Variants in RCN2 observed in about 807,000 individuals in gnomAD.
The protein encoded by RCN2 is reticulocalbin 2.
A neutral mutation model predicts 37.5 loss-of-function variants in RCN2; 23 were observed. The observed-to-expected ratio is 0.61, with a 90% CI of 0.44 to 0.87. RCN2 has a LOEUF of 0.87. RCN2 is among the 40% of genes least tolerant of loss of function. The pLI is 0.00. For missense variants in RCN2, 381 were observed against 390.4 expected (o/e 0.98, Z 0.20); for synonymous variants, 140 against 144.6 (o/e 0.97, Z 0.23).
At chr15:76,935,058 C>G (rs1432444082) in intron 2 of RCN2, among the ~76,000 whole-genome samples, 2 of 152,170 alleles carry the variant, frequency 1.3e-5, no homozygotes, top group African/African-American at 4.8e-5. Flanking sequence ...GGCATGGTGG[C>G]TCACGCCTGT....
intron 2 of RCN2, among the ~76,000 whole-genome samples, chr15:76,932,866 T>G (rs2075230466): frequency 6.6e-6 from 1 of 152,188 alleles, no homozygotes; most frequent in Non-Finnish European, 1.5e-5. Flanking sequence ...TTTAAGCAAG[T>G]AGAAAAAGAC....
In RCN2 at chr15:76,935,790, G is replaced by A. The variant is rs899647822; in HGVS notation, c.447+68G>A. On this transcript the variant is annotated intron_variant, in intron 3 of 6. Coordinates refer to ENST00000394885, the MANE Select transcript of RCN2 (RefSeq NM_002902.3). Reference sequence around the variant, plus strand: ...TCACTTTACCTTCCTGCATGAATGAGCACATTGAGGGCCTGAGGTCATAAG... The same window carrying A: ...TCACTTTACCTTCCTGCATGAATGAACACATTGAGGGCCTGAGGTCATAAG... 1.2e-5 allele frequency: 14 copies of A among 1,174,622 alleles called. No homozygotes were observed. The African/African-American group carries it at 1.8e-4, about 15-fold the overall frequency. The allele number at this position is 1,174,622 out of a possible 1,614,324, so 72.8% of individuals were successfully genotyped here.
rs774874042 is a variant in RCN2, at chr15:76,950,959, A to G, written c.*1737A>G. Reference sequence around the variant, plus strand: ...AATGACTGCTTGCTTGGGTATCTACATGGTTTTCATTTTAACCTACACTAT... The same window carrying G: ...AATGACTGCTTGCTTGGGTATCTACGTGGTTTTCATTTTAACCTACACTAT... On this transcript the variant is annotated 3_prime_UTR_variant, in exon 7 of 7. Coordinates refer to ENST00000394885, the MANE Select transcript of RCN2 (RefSeq NM_002902.3). The G allele has an allele frequency of 3.3e-5, 5 of 152,178 alleles. No individual in the cohort carries two copies. Among genetic ancestry groups the G allele is most frequent in the Non-Finnish European group, 7.3e-5 (5 of 68,038 alleles). 9.4% of individuals were successfully genotyped at this position (152,178 alleles called of 1,614,324 possible).
intron 2 of RCN2, among the ~76,000 whole-genome samples, chr15:76,933,399 T>A (rs954175082): frequency 6.6e-6 from 1 of 152,208 alleles, no homozygotes; most frequent in African/African-American, 2.4e-5. Context: ...TCTGGAAGAT[T>A]AAGGGCTTTT....
Position 76,931,940 on chromosome 15 carries a change from C to A in RCN2, c.99C>A (p.Gly33=). The A allele has an allele frequency of 7.7e-7, 1 of 1,299,256 alleles. No homozygotes were observed. Among genetic ancestry groups the A allele is most frequent in the Non-Finnish European group, 9.7e-7 (1 of 1,027,002 alleles). 80.5% of individuals were successfully genotyped at this position (1,299,256 alleles called of 1,614,324 possible). Residue 33 remains glycine, a synonymous_variant, in exon 1 of 7, where the codon GGC becomes GGA. Coordinates refer to ENST00000394885, the MANE Select transcript of RCN2 (RefSeq NM_002902.3). ...GKAEELHYPL[G]ERRSDYDREA... ...CCGAGGAGCTGCACTACCCGCTGGG[C>A]GAGCGCCGCAGCGACTACGACCGCG...
chr15:76,947,833 A>G, intron 5 of RCN2: 1 of 262,704 alleles, frequency 3.8e-6, no homozygotes, highest in South Asian at 5.6e-5. Context: ...GTGCTGTTGC[A>G]GGTGGATCTT....
intron 2 of RCN2, among the ~76,000 whole-genome samples, chr15:76,934,683 A>T (rs1426472862): frequency 1.3e-5 from 2 of 152,182 alleles, no homozygotes; most frequent in Non-Finnish European, 2.9e-5. Context: ...TTAACCATCT[A>T]TTATTTTCTT....
Position 76,952,478 on chromosome 15 carries a change from C to T in RCN2, c.*3256C>T, listed in dbSNP as rs1463914097. 1 of 152,248 alleles carries T rather than the reference C, an allele frequency of 6.6e-6. No homozygotes were observed. The highest frequency in any genetic ancestry group is 1.9e-4 in the East Asian group (1 of 5,188). The allele number at this position is 152,248 out of a possible 1,614,324, so 9.4% of individuals were successfully genotyped here. On this transcript the variant is annotated 3_prime_UTR_variant, in exon 7 of 7. Coordinates refer to ENST00000394885, the MANE Select transcript of RCN2 (RefSeq NM_002902.3). The stretch of plus-strand genomic sequence containing the variant: ...CTTAACAGTTTTTAATTGTACAGTT[C>T]GGTGGTATGGTATTAAATACAGTCA...
intron 4 of RCN2, among the ~76,000 whole-genome samples, chr15:76,944,611 G>A (rs1433578816): frequency 6.6e-6 from 1 of 152,130 alleles, no homozygotes; most frequent in Non-Finnish European, 1.5e-5. Context: ...AAATGAGTGA[G>A]AACATGGGAT....
intron 5 of RCN2, chr15:76,948,209 G>T: frequency 5.1e-6 from 2 of 391,636 alleles, no homozygotes; most frequent in Non-Finnish European, 9.1e-6. Context: ...TTTAAAACTG[G>T]GTTGTTTAGA....
Position 76,931,902 on chromosome 15 carries a change from G to C in RCN2, c.61G>C (p.Gly21Arg), listed in dbSNP as rs1248286023. Residue 21 changes from glycine (G) to arginine (R), a missense_variant, in exon 1 of 7, where the codon GGC becomes CGC. Coordinates refer to ENST00000394885, the MANE Select transcript of RCN2 (RefSeq NM_002902.3). ...GLLLLCAAAA[G>R]AGKAEELHYP... ...GCTGCTGCTGTGCGCCGCCGCGGCC[G>C]GCGCCGGCAAGGCCGAGGAGCTGCA... The C allele has an allele frequency of 2.3e-6, 3 of 1,322,574 alleles. No homozygotes were observed. The South Asian group carries it at 5.7e-5, about 25-fold the overall frequency. 81.9% of individuals were successfully genotyped at this position (1,322,574 alleles called of 1,614,324 possible). A position where few individuals can be genotyped will look rare whatever the true frequency, so the allele number is the denominator to read the frequency against.
chr15:76,940,545 C>G (rs1241183924), intron 3 of RCN2, among the ~76,000 whole-genome samples: 2 of 131,372 alleles, frequency 1.5e-5, no homozygotes, highest in African/African-American at 5.3e-5. Flanking sequence ...CTGAACTTCA[C>G]CTTTTTTTTT....
At chr15:76,944,160 A>T (rs1373450627) in intron 4 of RCN2, among the ~76,000 whole-genome samples, 2 of 151,726 alleles carry the variant, frequency 1.3e-5, no homozygotes, top group Non-Finnish European at 2.9e-5. Context: ...CACCTGGCTA[A>T]TTTTTTGTAT....
chr15:76,940,566 T>TTTTTTTTTTA (rs1189846714), intron 3 of RCN2, among the ~76,000 whole-genome samples: 1 of 143,328 alleles, frequency 7.0e-6, no homozygotes. Context: ...TTTTTTTTTT[T>TTTTTTTTTTA]GAGAGGGAGT....
chr15:76,954,169 T>C lies in RCN2; in HGVS notation c.*4947T>C, dbSNP rs2075338939. The C allele has an allele frequency of 6.6e-6, 1 of 151,994 alleles. No individual in the cohort carries two copies. The highest frequency in any genetic ancestry group is 2.4e-5 in the African/African-American group (1 of 41,394). The allele number at this position is 151,994 out of a possible 1,614,324, so 9.4% of individuals were successfully genotyped here. A position where few individuals can be genotyped will look rare whatever the true frequency, so the allele number is the denominator to read the frequency against. ...CAGTTTTGCCTGTTCCAGAATATCA[T>C]TCCTTTGCAATTTAAATGTGAGGAT... On this transcript the variant is annotated 3_prime_UTR_variant, in exon 7 of 7. Transcript: ENST00000394885.
chr15:76,932,432 A>G lies in RCN2; in HGVS notation c.216A>G (p.Lys72=), dbSNP rs2075228385. The G allele has an allele frequency of 6.2e-7, 1 of 1,613,914 alleles. No individual in the cohort carries two copies. The highest frequency in any genetic ancestry group is 8.5e-7 in the Non-Finnish European group (1 of 1,179,854). Residue 72 remains lysine (K), a synonymous_variant, in exon 2 of 7, where the codon AAA becomes AAG. Coordinates refer to ENST00000394885, the MANE Select transcript of RCN2 (RefSeq NM_002902.3). The part of the protein sequence containing the change: ...QQKRLQAIIK[K]IDLDSDGFLT... ...AAAGACTGCAGGCGATCATAAAGAA[A>G]ATCGACTTGGACTCAGATGGCTTTC...
intron 2 of RCN2, among the ~76,000 whole-genome samples, chr15:76,932,963 T>G (rs958108955): frequency 9.2e-5 from 14 of 152,178 alleles, no homozygotes; most frequent in Admixed American, 7.9e-4. Context: ...TCCACATCAC[T>G]TTGTAGAGAT....
In RCN2 at chr15:76,935,685, C is replaced by G. The variant is rs764535405; in HGVS notation, c.410C>G (p.Thr137Ser). ...CGTGTGATTGACTTTGATGAGAACACTGCTCTGGATGATGCAGAAGAGGAG... is the reference window on the plus strand; with the variant it reads ...CGTGTGATTGACTTTGATGAGAACAGTGCTCTGGATGATGCAGAAGAGGAG... Reference protein sequence around the residue: ...YDRVIDFDENTALDDAEEESF... With the variant: ...YDRVIDFDENSALDDAEEESF... The change falls in exon 3 of 7, where the codon ACT becomes AGT. Residue 137 changes from threonine to serine, a missense_variant. Coordinates refer to ENST00000394885, the MANE Select transcript of RCN2 (RefSeq NM_002902.3). The G allele has an allele frequency of 2.9e-5, 47 of 1,614,032 alleles. No individual in the cohort carries two copies. The Middle Eastern group carries it at 5.0e-4, about 17-fold the overall frequency.
intron 4 of RCN2, among the ~76,000 whole-genome samples, chr15:76,944,295 C>G (rs149347471): frequency 2.0e-5 from 3 of 151,988 alleles, no homozygotes; most frequent in African/African-American, 7.3e-5. Context: ...TGTTTTGATA[C>G]AGGCATGCAA....
Sources: allele counts gnomAD v4.1 joint callset (sites outside exome capture counted in the v4.1 genomes callset), GRCh38; gene constraint gnomAD v4.1.1; transcripts MANE v1.5; gene names NCBI Gene and HGNC (gene_info 2026-07-23, HGNC 2026-07-21).